The following TGM7 variants were observed in gnomAD, a reference collection of about 807,000 sequenced individuals.
The protein encoded by TGM7 is transglutaminase 7, also known as protein-glutamine gamma-glutamyltransferase Z.
In TGM7, 74 loss-of-function variants were observed where a neutral mutation model predicts 79.5. The observed-to-expected ratio is 0.93, with a 90% CI of 0.77 to 1.13. The LOEUF (loss-of-function observed/expected upper bound fraction) is 1.13, where lower values mean the gene tolerates loss of function less well. TGM7 is among the 50% of genes most tolerant of loss of function. The probability of loss-of-function intolerance (pLI) is 0.00; values close to 1 mark genes in which losing one functional copy is unlikely to be tolerated. For synonymous variants in TGM7, 354 were observed against 362.5 expected, an observed-to-expected ratio of 0.98 and a Z score of 0.27; for missense variants, 912 against 905.9, an observed-to-expected ratio of 1.01 and a Z score of -0.09.
chr15:43,281,792 A>G, intron 9 of TGM7, 52 bp downstream of exon 9: 1 of 1,597,318 alleles, frequency 6.3e-7, no homozygotes, highest in Non-Finnish European at 8.6e-7. Flanking sequence ...CCAGCTAGGA[A>G]GCATCACAAA....
chr15:43,279,384 G>A, intron 10 of TGM7, 107 bp from the exon 11 acceptor site: 2 of 1,304,082 alleles, frequency 1.5e-6, no homozygotes, highest in Non-Finnish European at 2.1e-6. Context: ...AGAGGTAAAA[G>A]TGTGTGTGAG....
At chr15:43,301,068 A>AC (rs924438506) in intron 1 of TGM7, among the ~76,000 whole-genome samples, 31 of 151,268 alleles carry the variant, frequency 2.0e-4, no homozygotes, top group Admixed American at 7.9e-4. Flanking sequence ...TGCAGCTTTG[A>AC]CCCCCCCAGG....
intron 4 of TGM7, among the ~76,000 whole-genome samples, chr15:43,289,169 G>A (rs1222129408): frequency 1.3e-5 from 2 of 151,652 alleles, no homozygotes; most frequent in Admixed American, 6.6e-5. Flanking sequence ...CCATTAACTC[G>A]TCATTTAACA....
intron 3 of TGM7, 27 bp from the exon 4 acceptor site, chr15:43,292,124 G>A (rs762077607): frequency 7.2e-5 from 110 of 1,533,152 alleles, no homozygotes; most frequent in Non-Finnish European, 8.7e-5. Flanking sequence ...AGTGGAGGGG[G>A]CAAAACCCCA....
chr15:43,294,640 A>G (rs1485298497), intron 1 of TGM7, among the ~76,000 whole-genome samples: 1 of 152,072 alleles, frequency 6.6e-6, no homozygotes, highest in Non-Finnish European at 1.5e-5. Context: ...CAATGTTTAG[A>G]TTGCATTTAC....
intron 1 of TGM7, among the ~76,000 whole-genome samples, chr15:43,296,554 C>T (rs2046278975): frequency 6.6e-6 from 1 of 152,044 alleles, no homozygotes; most frequent in Non-Finnish European, 1.5e-5. Context: ...CAGAAAGCCT[C>T]TCCGTCCCAT....
rs780815663 is a variant in TGM7 at position 43,284,871 on chromosome 15, T to A, written c.947A>T (p.Asp316Val). The A allele has an allele frequency of 2.5e-5, 40 of 1,614,068 alleles. No individual in the cohort carries two copies. Among genetic ancestry groups the A allele is most frequent in the Non-Finnish European group, 2.1e-5 (25 of 1,180,038 alleles). ...CTCGGCATTTCGGTCATAGTACGTA[T>A]CGATGGTCAAGTTCCTATCCACGTT... ...AHNVDRNLTI[D>V]TYYDRNAEML... Residue 316 changes from aspartate (D) to valine (V), a missense_variant, in exon 7 of 13, where the codon GAT becomes GTT. Asp to Val is a radical substitution (Grantham distance 152, BLOSUM62 -3). Coordinates refer to ENST00000452443, the MANE Select transcript of TGM7 (RefSeq NM_052955.3).
intron 1 of TGM7, among the ~76,000 whole-genome samples, chr15:43,299,269 C>T (rs970582462): frequency 6.6e-6 from 1 of 152,078 alleles, no homozygotes; most frequent in African/African-American, 2.4e-5. Context: ...TCGACTGTGG[C>T]ATTTAGCCTA....
chr15:43,297,028 A>G (rs1407873526), intron 1 of TGM7, among the ~76,000 whole-genome samples: 1 of 152,172 alleles, frequency 6.6e-6, no homozygotes, highest in East Asian at 1.9e-4. Flanking sequence ...TGGCCACAAT[A>G]CCACTGGAGT....
chr15:43,298,769 T>G, intron 1 of TGM7, among the ~76,000 whole-genome samples: 2 of 152,010 alleles, frequency 1.3e-5, no homozygotes, highest in South Asian at 4.1e-4. Flanking sequence ...TAAAATAAAA[T>G]AAAATAAAAA....
chr15:43,282,801 A>G (rs532696306), intron 7 of TGM7, among the ~76,000 whole-genome samples, 181 bp from the exon 8 acceptor site: 4 of 152,342 alleles, frequency 2.6e-5, no homozygotes, highest in Admixed American at 6.5e-5. Context: ...CTGTAATCCC[A>G]GCACTTTGGG....
intron 8 of TGM7, 62 bp downstream of exon 8, chr15:43,282,455 G>A (rs959737287): frequency 1.3e-5 from 18 of 1,431,774 alleles, no homozygotes; most frequent in African/African-American, 8.5e-5. Context: ...CTGCTCCCAC[G>A]GCCAGTCACC....
At chr15:43,286,783 A>G (rs1269555252) in intron 6 of TGM7, among the ~76,000 whole-genome samples, 1 of 152,208 alleles carries the variant, frequency 6.6e-6, no homozygotes, top group Admixed American at 6.5e-5. Flanking sequence ...TAAATAATTG[A>G]TACTGCATAA....
At chr15:43,285,021 T>C in intron 6 of TGM7, 69 bp from the exon 7 acceptor site, 1 of 1,589,680 alleles carries the variant, frequency 6.3e-7, no homozygotes, top group Non-Finnish European at 8.6e-7. Context: ...CATGCATAAT[T>C]TGTAACTTTC....
chr15:43,284,639 T>A (rs969830586), intron 7 of TGM7, among the ~76,000 whole-genome samples, 175 bp downstream of exon 7: 6 of 152,370 alleles, frequency 3.9e-5, no homozygotes, highest in Middle Eastern at 3.4e-3. Flanking sequence ...TTAAATTTGA[T>A]GACCTAATTA....
rs963111241 is a variant in TGM7 at position 43,287,622 on chromosome 15, G to A, written c.606C>T (p.Ser202=). ...IDICFEILNK[S]LYHLKNPAKD... Reference sequence around the variant, plus strand: ...TGGCCGGGTTCTTTAAGTGATACAGGCTCTTGTTCAGGATCTCAAAGCAGA... The same window carrying A: ...TGGCCGGGTTCTTTAAGTGATACAGACTCTTGTTCAGGATCTCAAAGCAGA... Residue 202 remains serine, a synonymous_variant, in exon 5 of 13, where the codon AGC becomes AGT. Coordinates refer to ENST00000452443, the MANE Select transcript of TGM7 (RefSeq NM_052955.3). 1.9e-6 allele frequency: 3 copies of A among 1,613,952 alleles called. No individual in the cohort carries two copies. In the African/African-American group the frequency reaches 4.0e-5, roughly 22 times the overall value.
intron 2 of TGM7, 122 bp from the exon 3 acceptor site, chr15:43,293,076 C>A: frequency 7.3e-7 from 1 of 1,375,646 alleles, no homozygotes; most frequent in Non-Finnish European, 9.9e-7. Context: ...GCTTTTACTG[C>A]CACCGAGTGT....
rs1209126785 is a variant in TGM7 at position 43,279,290 on chromosome 15, A to G, written c.1679-13T>C. 4 of 1,612,462 alleles carry G rather than the reference A, an allele frequency of 2.5e-6. No homozygotes were observed. Among genetic ancestry groups the G allele is most frequent in the African/African-American group, 1.3e-5 (1 of 74,882 alleles). ...GGCCACTGTGTCTCTAAGCACATAC[A>G]AAAGACACCTTGAGTCCAGGACATG... On this transcript the variant is annotated splice_polypyrimidine_tract_variant and intron_variant, in intron 10 of 12. Transcript: ENST00000452443.
intron 8 of TGM7, 21 bp from the exon 9 acceptor site, chr15:43,282,107 T>G (rs765294218): frequency 6.2e-7 from 1 of 1,610,944 alleles, no homozygotes; most frequent in African/African-American, 1.3e-5. Context: ...AACAGGCTAC[T>G]GATATGGGGG....
Sources: allele counts gnomAD v4.1 joint callset (sites outside exome capture counted in the v4.1 genomes callset), GRCh38; gene constraint gnomAD v4.1.1; transcripts MANE v1.5; gene names NCBI Gene and HGNC (gene_info 2026-07-23, HGNC 2026-07-21).